DNAH5: variants seen among roughly 807,000 people sequenced by gnomAD.
The protein encoded by DNAH5 is dynein axonemal heavy chain 5.
A neutral mutation model predicts 518.2 loss-of-function variants in DNAH5; 372 were observed. The observed-to-expected ratio is 0.72, with a 90% CI of 0.66 to 0.78. The LOEUF is 0.78. Ranked by LOEUF, DNAH5 falls within the 30% of genes least tolerant of loss-of-function variation. DNAH5 has a pLI of 0.00. For missense variants in DNAH5, 5,523 were observed against 5,687.0 expected, an observed-to-expected ratio of 0.97 and a Z score of 0.93; for synonymous variants, 2,039 against 2,025.9, an observed-to-expected ratio of 1.01 and a Z score of -0.17.
chr5:13,864,461 T>C lies in DNAH5; in HGVS notation c.4532A>G (p.Asn1511Ser). The C allele has an allele frequency of 6.2e-7, 1 of 1,613,386 alleles. No individual in the cohort carries two copies. The highest frequency in any genetic ancestry group is 8.5e-7 in the Non-Finnish European group (1 of 1,179,368). ...GATATTTCTTAACTTAAAGCTTTCA[T>C]TCCCCACATCCAGACTGTGCCCGGT... Reference protein sequence around the residue: ...TLTGHSLDVGNESFKLRNIME... With the variant: ...TLTGHSLDVGSESFKLRNIME... The change falls in exon 28 of 79, where the codon AAT (asparagine) becomes AGT (serine). Residue 1511 changes from asparagine (N) to serine (S), a missense_variant. Coordinates refer to ENST00000265104, the MANE Select transcript of DNAH5 (RefSeq NM_001369.3).
At chr5:13,701,206 G>A (rs896482430) in intron 77 of DNAH5, 78 bp downstream of exon 77, 9 of 1,573,928 alleles carry the variant, frequency 5.7e-6, no homozygotes, top group Admixed American at 1.7e-5. Flanking sequence ...TCTTATTATA[G>A]TCTTTAAAAC....
intron 1 of DNAH5, among the ~76,000 whole-genome samples, chr5:13,996,686 C>T (rs772555982): frequency 9.9e-5 from 15 of 152,242 alleles, no homozygotes; most frequent in Admixed American, 1.3e-4. Context: ...CTGGGGCAGA[C>T]GTTAGACCCC....
At chr5:13,784,597 T>TA (rs1353119675) in intron 52 of DNAH5, among the ~76,000 whole-genome samples, 1 of 152,184 alleles carries the variant, frequency 6.6e-6, no homozygotes, top group African/African-American at 2.4e-5. Flanking sequence ...AATGGTTGAC[T>TA]AGATAACCTC....
intron 30 of DNAH5, among the ~76,000 whole-genome samples, chr5:13,853,686 A>G (rs989530021): frequency 4.6e-5 from 7 of 152,016 alleles, no homozygotes; most frequent in Admixed American, 1.3e-4. Context: ...AAATGACCTG[A>G]TGGAACTGAA....
At chr5:13,960,321 G>A (rs1040168017) in intron 1 of DNAH5, among the ~76,000 whole-genome samples, 2 of 152,164 alleles carry the variant, frequency 1.3e-5, no homozygotes, top group Non-Finnish European at 2.9e-5. Context: ...CACTGGAGGG[G>A]TGAACACTAG....
intron 12 of DNAH5, among the ~76,000 whole-genome samples, chr5:13,907,229 G>A (rs1019734531): frequency 1.2e-4 from 19 of 152,084 alleles, no homozygotes; most frequent in African/African-American, 3.9e-4. Context: ...TCAGGAGTTC[G>A]AGACCAGTCT....
chr5:13,911,799 A>T lies in DNAH5; in HGVS notation c.1537-306T>A, dbSNP rs10462714. Among the ~76,000 whole-genome samples the T allele has an allele frequency of 0.38, 58,085 of 152,040 alleles. 11,450 individuals carry two copies. Among genetic ancestry groups the T allele is most frequent in the East Asian group, 0.76 (3,917 of 5,170 alleles). On this transcript the variant is annotated intron_variant, in intron 11 of 78. Transcript: ENST00000265104. ...TTTTTCCACTAAAATTTTATTGTTAATCATATCTGAAATAATTTTTAAAGC... is the reference window on the plus strand; with the variant it reads ...TTTTTCCACTAAAATTTTATTGTTATTCATATCTGAAATAATTTTTAAAGC...
intron 1 of DNAH5, among the ~76,000 whole-genome samples, chr5:13,931,765 A>G (rs1560960452): frequency 6.6e-6 from 1 of 152,202 alleles, no homozygotes; most frequent in African/African-American, 2.4e-5. Flanking sequence ...AATGTAACCA[A>G]TGTTGGCAGT....
chr5:13,937,430 C>A, intron 1 of DNAH5, among the ~76,000 whole-genome samples: 1 of 150,852 alleles, frequency 6.6e-6, no homozygotes, highest in East Asian at 2.0e-4. Context: ...TCTCACTGCA[C>A]TCCTGTGTCT....
chr5:13,742,937 T>C (rs891142709), intron 65 of DNAH5, among the ~76,000 whole-genome samples: 3 of 151,954 alleles, frequency 2.0e-5, no homozygotes, highest in East Asian at 1.9e-4. Flanking sequence ...AATAGAACAA[T>C]TGTTGCTTGG....
At chr5:13,903,420 G>T (rs1462431852) in intron 12 of DNAH5, among the ~76,000 whole-genome samples, 2 of 151,798 alleles carry the variant, frequency 1.3e-5, no homozygotes, top group African/African-American at 4.8e-5. Context: ...AAATGAGAAA[G>T]GCTGAGAATT....
At chr5:13,869,492 CA>C (rs1273909289) in intron 24 of DNAH5, among the ~76,000 whole-genome samples, 2 of 151,982 alleles carry the variant, frequency 1.3e-5, no homozygotes, top group African/African-American at 4.8e-5. Context: ...GGGTCTTTGT[CA>C]ACAATCACAA....
At chr5:13,805,219 G>C (rs1759396657) in intron 47 of DNAH5, among the ~76,000 whole-genome samples, 1 of 152,154 alleles carries the variant, frequency 6.6e-6, no homozygotes, top group Non-Finnish European at 1.5e-5. Flanking sequence ...AAAGATCTTG[G>C]CTGGGCACAG....
intron 1 of DNAH5, among the ~76,000 whole-genome samples, chr5:13,934,757 T>A (rs1295249283): frequency 6.6e-6 from 1 of 152,190 alleles, no homozygotes; most frequent in African/African-American, 2.4e-5. Context: ...GGACTACCTA[T>A]CTGAGAGACA....
rs1367419235 is a variant in DNAH5 at position 13,989,522 on chromosome 5, C to T, written c.12+22126G>A. Among the ~76,000 whole-genome samples, 19 of 141,662 alleles carry T rather than the reference C, an allele frequency of 1.3e-4. No individual in the cohort carries two copies. The East Asian group carries it at 3.8e-3, about 29-fold the overall frequency. 92.9% of individuals were successfully genotyped at this position (141,662 alleles called of 152,430 possible). A position where few individuals can be genotyped will look rare whatever the true frequency, so the allele number is the denominator to read the frequency against. On this transcript the variant is annotated intron_variant, in intron 1 of 78. Transcript: ENST00000681290. The stretch of plus-strand genomic sequence containing the variant: ...TTTTTGAGACGGAGTCTCACTCTGT[C>T]GCCCAGGCTGGAGTGCAGTGGCGCG...
intron 55 of DNAH5, chr5:13,771,191 T>C (rs1466422461): frequency 1.8e-6 from 1 of 561,244 alleles, no homozygotes; most frequent in Non-Finnish European, 3.2e-6. Flanking sequence ...ATAAAAACAC[T>C]TTAAGCCTAT....
At chr5:13,917,364 C>A in intron 7 of DNAH5, 108 bp from the exon 8 acceptor site, 1 of 804,084 alleles carries the variant, frequency 1.2e-6, no homozygotes, top group South Asian at 1.4e-5. Context: ...ACCTTCTGTC[C>A]ATCTCACAGA....
At chr5:13,961,135 A>G (rs1485986987) in intron 1 of DNAH5, among the ~76,000 whole-genome samples, 2 of 152,142 alleles carry the variant, frequency 1.3e-5, no homozygotes, top group Non-Finnish European at 2.9e-5. Flanking sequence ...AAGTTTTTCT[A>G]TACCTCCCTC....
rs1246572191 is a variant in DNAH5, at chr5:13,817,069, A to G, written c.6988+479T>C. Among the ~76,000 whole-genome samples the G allele has an allele frequency of 4.6e-5, 7 of 152,178 alleles. No homozygotes were observed. In the East Asian group the frequency reaches 1.2e-3, roughly 25 times the overall value. The stretch of plus-strand genomic sequence containing the variant: ...TTTAAACAACTGAACACCAATGTCC[A>G]TCTACACAGAATAATTTATTAGTTC... On this transcript the variant is annotated intron_variant, in intron 42 of 78. Coordinates refer to ENST00000265104, the MANE Select transcript of DNAH5 (RefSeq NM_001369.3).
Sources: gnomAD v4.1 joint callset for allele counts (sites outside exome capture counted in the v4.1 genomes callset) on GRCh38, gnomAD v4.1.1 for gene constraint, MANE v1.5 for transcripts, NCBI Gene and HGNC (gene_info 2026-07-23, HGNC 2026-07-21) for gene names.